The following CNTN5 variants were observed in gnomAD, a reference collection of about 807,000 sequenced individuals.
CNTN5 encodes the protein contactin 5.
Under a neutral mutation model 129.1 loss-of-function variants are expected in CNTN5, and 77 were observed. The ratio of observed to expected loss-of-function variants is 0.60; its 90% CI spans 0.50 to 0.72. The LOEUF (loss-of-function observed/expected upper bound fraction) is 0.72, where lower values mean the gene tolerates loss of function less well. Among genes scored for constraint, CNTN5 ranks in the 30% least tolerant of loss-of-function variants. CNTN5 has a pLI of 0.00. For synonymous variants in CNTN5, 509 were observed against 465.6 expected, an observed-to-expected ratio of 1.09 and a Z score of -1.20; for missense variants, 1,478 against 1,328.8, an observed-to-expected ratio of 1.11 and a Z score of -1.75.
intron 1 of CNTN5, among the ~76,000 whole-genome samples, chr11:99,319,937 A>G (rs1223855637): frequency 6.6e-6 from 1 of 152,122 alleles, no homozygotes; most frequent in Non-Finnish European, 1.5e-5. Flanking sequence ...AAATAAATTC[A>G]TGGGTGAGGA....
At chr11:99,626,574 A>C (rs12789135) in intron 3 of CNTN5, among the ~76,000 whole-genome samples, 17,935 of 152,156 alleles carry the variant, frequency 0.12, 1,272 homozygotes, top group Non-Finnish European at 0.17. Context: ...TCACTGCTAG[A>C]GATTGCAGTG....
chr11:99,187,745 A>T (rs1858425726), intron 1 of CNTN5, among the ~76,000 whole-genome samples: 1 of 151,884 alleles, frequency 6.6e-6, no homozygotes, highest in Admixed American at 6.6e-5. Context: ...TTTTTGTGTG[A>T]TATCACTATG....
chr11:100,141,171 C>T (rs771488791), intron 13 of CNTN5, among the ~76,000 whole-genome samples: 9 of 151,884 alleles, frequency 5.9e-5, no homozygotes, highest in South Asian at 2.1e-4. Context: ...GGGTAGAATT[C>T]GGAGTCTAAA....
Position 99,642,994 on chromosome 11 carries a change from T to A in CNTN5, c.55+86725T>A, listed in dbSNP as rs149403868. 3.1e-3 allele frequency among the ~76,000 whole-genome samples: 465 copies of A among 152,336 alleles called. 1 individual carries two copies. Among genetic ancestry groups the A allele is most frequent in the African/African-American group, 0.011 (455 of 41,584 alleles). ...CATGTTTTTTCACCCATTTACCTGA[T>A]TGATATATATTTAGGTCTATTCTGT... On this transcript the variant is annotated intron_variant, in intron 3 of 24. Coordinates refer to ENST00000524871, the MANE Select transcript of CNTN5 (RefSeq NM_014361.4).
chr11:100,209,904 A>G (rs535882583), intron 15 of CNTN5, among the ~76,000 whole-genome samples: 1 of 152,314 alleles, frequency 6.6e-6, no homozygotes, highest in African/African-American at 2.4e-5. Context: ...TTGTGTTATC[A>G]CTGACTTTGC....
intron 21 of CNTN5, among the ~76,000 whole-genome samples, chr11:100,330,055 G>T (rs1210100488): frequency 6.6e-6 from 1 of 152,080 alleles, no homozygotes; most frequent in Non-Finnish European, 1.5e-5. Context: ...AAAGGTGAAG[G>T]CCAACTTAAA....
At chr11:100,307,780 AAAT>A (rs200569531) in intron 20 of CNTN5, among the ~76,000 whole-genome samples, 2 of 151,676 alleles carry the variant, frequency 1.3e-5, no homozygotes, top group East Asian at 3.9e-4. Context: ...ATAAAAAATA[AAAT>A]AATAATAATA....
intron 1 of CNTN5, among the ~76,000 whole-genome samples, chr11:99,127,132 A>G (rs1858677522): frequency 2.0e-5 from 3 of 152,120 alleles, no homozygotes; most frequent in Non-Finnish European, 2.9e-5. Context: ...ACCCCCATAT[A>G]CTTCAAATTC....
intron 9 of CNTN5, among the ~76,000 whole-genome samples, chr11:100,057,800 T>TATTC (rs752514010): frequency 9.9e-5 from 15 of 151,984 alleles, no homozygotes; most frequent in Non-Finnish European, 1.5e-4. Flanking sequence ...AGAAAACATA[T>TATTC]ATTCATACCA....
intron 3 of CNTN5, among the ~76,000 whole-genome samples, chr11:99,761,340 T>A (rs914839501): frequency 2.0e-5 from 3 of 152,134 alleles, no homozygotes; most frequent in Admixed American, 6.6e-5. Flanking sequence ...TATGTATACA[T>A]GTGCCATGCT....
At chr11:99,310,880 C>T (rs1418358279) in intron 1 of CNTN5, among the ~76,000 whole-genome samples, 1 of 152,076 alleles carries the variant, frequency 6.6e-6, no homozygotes, top group Non-Finnish European at 1.5e-5. Context: ...TTAAGATGAG[C>T]ATATACCTTT....
chr11:100,095,275 A>C (rs779652428), intron 13 of CNTN5, among the ~76,000 whole-genome samples: 8 of 152,142 alleles, frequency 5.3e-5, no homozygotes, highest in Non-Finnish European at 1.0e-4. Context: ...AACTAACTAG[A>C]AGTCTTGTTG....
At chr11:100,041,828 T>A (rs1942396145) in intron 9 of CNTN5, among the ~76,000 whole-genome samples, 1 of 152,214 alleles carries the variant, frequency 6.6e-6, no homozygotes, top group African/African-American at 2.4e-5. Context: ...ATTAGATTCT[T>A]TGCCTAAGAT....
chr11:99,792,308 G>C (rs552368892), intron 3 of CNTN5, among the ~76,000 whole-genome samples: 58 of 152,134 alleles, frequency 3.8e-4, no homozygotes, highest in African/African-American at 1.3e-3. Flanking sequence ...TAATAGGAAG[G>C]GATGTTGAAA....
intron 7 of CNTN5, among the ~76,000 whole-genome samples, chr11:99,953,609 C>T (rs536256959): frequency 3.3e-5 from 5 of 149,996 alleles, no homozygotes; most frequent in East Asian, 4.0e-4. Flanking sequence ...AGAAGTAGAC[C>T]CTAAAGTCTA....
At chr11:100,061,009 T>C (rs1223719634) in intron 9 of CNTN5, among the ~76,000 whole-genome samples, 1 of 152,212 alleles carries the variant, frequency 6.6e-6, no homozygotes, top group African/African-American at 2.4e-5. Flanking sequence ...TTTCCTGAAA[T>C]ATGAAAGAAA....
chr11:99,621,367 A>C (rs1168828003), intron 3 of CNTN5, among the ~76,000 whole-genome samples: 2 of 152,216 alleles, frequency 1.3e-5, no homozygotes, highest in Admixed American at 1.3e-4. Context: ...TGATGAATAT[A>C]ACCAGATTGT....
chr11:99,309,997 TG>T (rs1175514279), intron 1 of CNTN5, among the ~76,000 whole-genome samples: 2 of 152,104 alleles, frequency 1.3e-5, no homozygotes, highest in Non-Finnish European at 2.9e-5. Flanking sequence ...TGACTTTATA[TG>T]GTGATAACTT....
rs182699308 is a variant in CNTN5 at position 99,716,310 on chromosome 11, G to A, written c.56-103234G>A. ...TCTTTTCTCTTCTTCCTAGACTTCG[G>A]CATGTTAAATCGATGACTACTTCTA... On this transcript the variant is annotated intron_variant, in intron 3 of 24. Coordinates refer to ENST00000524871, the MANE Select transcript of CNTN5 (RefSeq NM_014361.4). Among the ~76,000 whole-genome samples the A allele has an allele frequency of 3.4e-4, 51 of 151,924 alleles. No homozygotes were observed. In the East Asian group the frequency reaches 3.9e-3, roughly 12 times the overall value.
Sources: gnomAD v4.1 joint callset for allele counts (sites outside exome capture counted in the v4.1 genomes callset) on GRCh38, gnomAD v4.1.1 for gene constraint, MANE v1.5 for transcripts, NCBI Gene and HGNC (gene_info 2026-07-23, HGNC 2026-07-21) for gene names.